The following GRID2 variants were observed in gnomAD, a reference collection of about 807,000 sequenced individuals.
GRID2 encodes glutamate receptor ionotropic, delta-2.
Under a neutral mutation model 114.8 loss-of-function variants are expected in GRID2, and 33 were observed. The ratio of observed to expected loss-of-function variants is 0.29; its 90% CI spans 0.22 to 0.38. The LOEUF (loss-of-function observed/expected upper bound fraction) is 0.38. GRID2 is among the 10% of genes least tolerant of loss of function. The pLI, the probability that GRID2 is intolerant of heterozygous loss-of-function variation, is 1.00. For missense variants in GRID2, 1,184 were observed against 1,257.7 expected (o/e 0.94, Z 0.89); for synonymous variants, 505 against 449.9 (o/e 1.12, Z -1.55).
Position 92,701,525 on chromosome 4 carries a change from T to G in GRID2, c.244+111239T>G, listed in dbSNP as rs74409612. ...GGAAAATCTAGGTAACTCAAAGCAG[T>G]TGAATAATTCAAATGTTTAGCCACG... On this transcript the variant is annotated intron_variant, in intron 2 of 15. Transcript: ENST00000282020. Among the ~76,000 whole-genome samples the G allele has an allele frequency of 6.0e-3, 921 of 152,260 alleles. 14 individuals carry two copies. The highest frequency in any genetic ancestry group is 0.021 in the African/African-American group (886 of 41,540).
At chr4:92,597,506 T>C (rs1729011735) in intron 2 of GRID2, among the ~76,000 whole-genome samples, 1 of 152,156 alleles carries the variant, frequency 6.6e-6, no homozygotes, top group Admixed American at 6.6e-5. Flanking sequence ...CCTCATAAAA[T>C]ATATATTTTA....
At chr4:93,788,250 G>A (rs868479494) in intron 1 of GRID2, among the ~76,000 whole-genome samples, 9 of 151,126 alleles carry the variant, frequency 6.0e-5, no homozygotes, top group South Asian at 2.1e-4. Flanking sequence ...CCCGGGAGGC[G>A]GAGGTTGCAG....
chr4:93,637,512 G>A (rs983260216), intron 14 of GRID2, among the ~76,000 whole-genome samples: 14 of 152,136 alleles, frequency 9.2e-5, no homozygotes, highest in African/African-American at 3.1e-4. Flanking sequence ...TTGTCTTCAT[G>A]ACTGCCGACA....
At chr4:92,699,091 A>G (rs1734551860) in intron 2 of GRID2, among the ~76,000 whole-genome samples, 2 of 152,132 alleles carry the variant, frequency 1.3e-5, no homozygotes, top group Admixed American at 6.5e-5. Flanking sequence ...AAAAACAGTA[A>G]TTTCATGGTT....
intron 14 of GRID2, among the ~76,000 whole-genome samples, chr4:93,658,446 C>G (rs1029567101): frequency 1.3e-5 from 2 of 152,088 alleles, no homozygotes; most frequent in African/African-American, 4.8e-5. Flanking sequence ...TCACCAAGCA[C>G]TATTCTAAGA....
At chr4:92,773,530 A>T (rs1738634260) in intron 2 of GRID2, among the ~76,000 whole-genome samples, 1 of 152,134 alleles carries the variant, frequency 6.6e-6, no homozygotes, top group Admixed American at 6.6e-5. Flanking sequence ...TGTAAAATAT[A>T]CTATGAAAGT....
At chr4:92,545,496 G>T (rs1394537178) in intron 1 of GRID2, among the ~76,000 whole-genome samples, 1 of 152,110 alleles carries the variant, frequency 6.6e-6, no homozygotes, top group Non-Finnish European at 1.5e-5. Flanking sequence ...GATTCTTTTT[G>T]TAAGCTTGGT....
intron 14 of GRID2, among the ~76,000 whole-genome samples, chr4:93,674,484 T>A (rs1320901734): frequency 6.6e-6 from 1 of 152,178 alleles, no homozygotes; most frequent in Non-Finnish European, 1.5e-5. Flanking sequence ...CCTTCTGTAA[T>A]CAATGATTAG....
chr4:92,986,152 T>C (rs571229231), intron 2 of GRID2, among the ~76,000 whole-genome samples: 110 of 152,228 alleles, frequency 7.2e-4, no homozygotes, highest in African/African-American at 2.6e-3. Flanking sequence ...ATAGATTAAA[T>C]GTCATACATA....
intron 2 of GRID2, among the ~76,000 whole-genome samples, chr4:92,857,457 T>G (rs981630223): frequency 6.6e-6 from 1 of 152,174 alleles, no homozygotes; most frequent in Non-Finnish European, 1.5e-5. Flanking sequence ...GTTGCTGATA[T>G]AGAGAAAGTT....
intron 13 of GRID2, among the ~76,000 whole-genome samples, chr4:93,574,693 A>G (rs1238030902): frequency 6.6e-6 from 1 of 152,176 alleles, no homozygotes; most frequent in African/African-American, 2.4e-5. Context: ...CCCTCCCACA[A>G]CATGTGGGAA....
intron 1 of GRID2, among the ~76,000 whole-genome samples, chr4:92,551,782 T>G (rs889860993): frequency 6.6e-6 from 1 of 152,010 alleles, no homozygotes; most frequent in Admixed American, 6.6e-5. Context: ...AAGCTGAGGA[T>G]TGCTGCAGTA....
chr4:92,748,097 T>C lies in GRID2; in HGVS notation c.244+157811T>C, dbSNP rs573629895. Among the ~76,000 whole-genome samples the C allele has an allele frequency of 2.6e-4, 39 of 152,344 alleles. 1 individual carries two copies. In the South Asian group the frequency reaches 2.9e-3, roughly 11 times the overall value. On this transcript the variant is annotated intron_variant, in intron 2 of 15. Coordinates refer to ENST00000282020, the MANE Select transcript of GRID2 (RefSeq NM_001510.4). ...TCATCTTTTCTGGTCCTGCTCAGCC[T>C]GAGGAATGGGACCCTGATACCAGTA...
intron 8 of GRID2, among the ~76,000 whole-genome samples, chr4:93,288,690 A>G (rs922729919): frequency 6.6e-6 from 1 of 152,180 alleles, no homozygotes; most frequent in African/African-American, 2.4e-5. Context: ...CCATACATTG[A>G]TATGTTGTAT....
intron 4 of GRID2, among the ~76,000 whole-genome samples, chr4:93,114,946 G>A (rs1733097822): frequency 6.6e-6 from 1 of 152,242 alleles, no homozygotes; most frequent in South Asian, 2.1e-4. Context: ...GAATACCGTA[G>A]GAGAACTGAC....
At chr4:92,554,019 T>G (rs1256337006) in intron 1 of GRID2, among the ~76,000 whole-genome samples, 3 of 152,132 alleles carry the variant, frequency 2.0e-5, no homozygotes, top group African/African-American at 7.2e-5. Context: ...GCCAAATATA[T>G]TTCAGCAACA....
intron 8 of GRID2, among the ~76,000 whole-genome samples, chr4:93,336,246 C>A (rs1036078932): frequency 2.6e-5 from 4 of 152,068 alleles, no homozygotes; most frequent in African/African-American, 9.7e-5. Flanking sequence ...TGTATACCCC[C>A]AAATTTATAC....
chr4:93,794,299 A>C (rs1303947901), intron 1 of GRID2, among the ~76,000 whole-genome samples: 1 of 152,202 alleles, frequency 6.6e-6, no homozygotes, highest in Middle Eastern at 3.2e-3. Flanking sequence ...ACATCATGTC[A>C]CATTTTGTGT....
intron 4 of GRID2, among the ~76,000 whole-genome samples, chr4:93,158,536 C>A (rs866121620): frequency 6.7e-6 from 1 of 149,896 alleles, no homozygotes. Context: ...CCTTACCTTG[C>A]AGAAAAGTCA....
Sources: gnomAD v4.1 joint callset for allele counts (sites outside exome capture counted in the v4.1 genomes callset) on GRCh38, gnomAD v4.1.1 for gene constraint, MANE v1.5 for transcripts, NCBI Gene and HGNC (gene_info 2026-07-23, HGNC 2026-07-21) for gene names.